Variants in BIRC6 observed in about 807,000 individuals in gnomAD.
The protein encoded by BIRC6 is dual E2 ubiquitin-conjugating enzyme/E3 ubiquitin-protein ligase BIRC6.
Under a neutral mutation model 503.3 loss-of-function variants are expected in BIRC6, and 98 were observed. That is an observed-to-expected ratio of 0.19 (90% CI 0.17 to 0.23). BIRC6 has a LOEUF of 0.23. Among genes scored for constraint, BIRC6 ranks in the 10% least tolerant of loss-of-function variants. The pLI, the probability that BIRC6 is intolerant of heterozygous loss-of-function variation, is 1.00. For missense variants in BIRC6, 5,360 were observed against 5,806.0 expected (o/e 0.92, Z 2.50); for synonymous variants, 2,240 against 2,078.7 (o/e 1.08, Z -2.11).
intron 73 of BIRC6, among the ~76,000 whole-genome samples, chr2:32,615,912 C>A (rs1204872728): frequency 6.6e-6 from 1 of 152,066 alleles, no homozygotes. Flanking sequence ...GGATTACAGG[C>A]GTGAGGCATC....
intron 1 of BIRC6, among the ~76,000 whole-genome samples, chr2:32,367,806 G>C (rs2035185928): frequency 6.6e-6 from 1 of 152,118 alleles, no homozygotes; most frequent in African/African-American, 2.4e-5. Flanking sequence ...AGAAGAGTGA[G>C]ACTGTCTCCC....
rs66698122 is a variant in BIRC6 at position 32,618,227 on chromosome 2, TA to T, written c.*324del. On this transcript the variant is annotated 3_prime_UTR_variant, in exon 74 of 74. Transcript: ENST00000421745. ...TGTTTACTGAATGTTTATTTTATTT[TA>T]TTTTTTTTTTACTATAGAGTGAGGG... 61,573 of 159,154 alleles carry T rather than the reference TA, an allele frequency of 0.39. 11,493 individuals carry two copies. Among genetic ancestry groups the T allele is most frequent in the African/African-American group, 0.42 (17,056 of 40,998 alleles). 9.9% of individuals were successfully genotyped at this position (159,154 alleles called of 1,614,324 possible).
chr2:32,358,069 G>C (rs894183662), intron 1 of BIRC6, among the ~76,000 whole-genome samples: 1 of 138,758 alleles, frequency 7.2e-6, no homozygotes, highest in African/African-American at 2.6e-5. Flanking sequence ...CGTGGTGGGG[G>C]TGGGGAGGGA....
intron 65 of BIRC6, among the ~76,000 whole-genome samples, chr2:32,551,363 A>T (rs1019528828): frequency 6.6e-6 from 1 of 152,080 alleles, no homozygotes; most frequent in Admixed American, 6.5e-5. Context: ...GCTTACTGCA[A>T]CCTCCACCTC....
In BIRC6 at chr2:32,485,664, T is replaced by C; in HGVS notation, c.7718T>C (p.Val2573Ala). 6.2e-7 allele frequency: 1 copy of C among 1,613,218 alleles called. No homozygotes were observed. The highest frequency in any genetic ancestry group is 8.5e-7 in the Non-Finnish European group (1 of 1,179,364). ...GTAGCCCTGGATGCTCGCCTAGAAGTTGGACTTGAACAGCAAGCAGAACTG... is the reference window on the plus strand; with the variant it reads ...GTAGCCCTGGATGCTCGCCTAGAAGCTGGACTTGAACAGCAAGCAGAACTG... Reference protein sequence around the residue: ...VSQALDARLEVGLEQQAELML... With the variant: ...VSQALDARLEAGLEQQAELML... Residue 2573 changes from valine to alanine, a missense_variant, in exon 40 of 74, where the codon GTT becomes GCT. Val to Ala is a moderately conservative substitution (Grantham distance 64, BLOSUM62 0). Coordinates refer to ENST00000421745, the MANE Select transcript of BIRC6 (RefSeq NM_016252.4).
chr2:32,465,127 G>A lies in BIRC6; in HGVS notation c.5319G>A (p.Pro1773=), dbSNP rs529901368. ...ISHASHFLQP[P]PHQSIIIERM... is the part of the protein sequence containing the mutation. The stretch of plus-strand genomic sequence containing the variant: ...ATGCTTCACATTTTCTTCAACCTCC[G>A]CCTCACCAGTCCATTATTATAGAGC... The change falls in exon 26 of 74, where the codon CCG becomes CCA. Residue 1773 remains proline (P), a synonymous_variant. Coordinates refer to ENST00000421745, the MANE Select transcript of BIRC6 (RefSeq NM_016252.4). 9.4e-6 allele frequency: 15 copies of A among 1,596,248 alleles called. No homozygotes were observed. The highest frequency in any genetic ancestry group is 2.3e-5 in the East Asian group (1 of 44,370).
At position 32,481,397 on chromosome 2, in the gene BIRC6, A is replaced by G. The variant is rs2050384720; in HGVS notation, c.7486A>G (p.Ile2496Val). The change falls in exon 38 of 74, where the codon ATT (isoleucine) becomes GTT (valine). Residue 2496 changes from isoleucine (I) to valine (V), a missense_variant. Physicochemically the swap from Ile to Val is conservative, Grantham distance 29 (BLOSUM62 3). Transcript: ENST00000421745. ...ELLQDLMEVD[I>V]DPLDIDLEKD... is the part of the protein sequence containing the mutation. ...ACTTCAGGATCTAATGGAAGTTGAC[A>G]TTGATCCTTTAGATATTGATTTGGA... 2 of 1,612,236 alleles carry G rather than the reference A, an allele frequency of 1.2e-6. No individual in the cohort carries two copies. Among genetic ancestry groups the G allele is most frequent in the Non-Finnish European group, 1.7e-6 (2 of 1,178,858 alleles).
At chr2:32,401,041 TCTTTAATGATGAATA>T (rs2040551769) in intron 6 of BIRC6, 107 bp from the exon 7 acceptor site, 1 of 775,396 alleles carries the variant, frequency 1.3e-6, no homozygotes, top group Non-Finnish European at 2.1e-6. Context: ...TTATATTAAG[TCTTTAATGATGAATA>T]CTTTAAGTTC....
rs1315560694 is a variant in BIRC6 at position 32,575,334 on chromosome 2, G to C, written c.13323G>C (p.Lys4441Asn). The C allele has an allele frequency of 6.8e-6, 11 of 1,613,880 alleles. No individual in the cohort carries two copies. The highest frequency in any genetic ancestry group is 9.3e-6 in the Non-Finnish European group (11 of 1,179,884). Residue 4441 changes from lysine to asparagine, a missense_variant, in exon 66 of 74, where the codon AAG becomes AAC. Lys to Asn is a moderately conservative substitution (Grantham distance 94). Around this residue, in one of 16 missense-constraint regions of BIRC6, gnomAD observed 477 missense variants for 574.4 expected, o/e 0.83. Coordinates refer to ENST00000421745, the MANE Select transcript of BIRC6 (RefSeq NM_016252.4). ...TSVGTLLAKM[K>N]TCVDTYTNRL... is the part of the protein sequence containing the mutation. Reference sequence around the variant, plus strand: ...TTGGTACATTGTTAGCCAAAATGAAGACCTGTGTTGATACCTATACCAACC... The same window carrying C: ...TTGGTACATTGTTAGCCAAAATGAACACCTGTGTTGATACCTATACCAACC...
At chr2:32,602,269 C>T (rs1041539414) in intron 70 of BIRC6, among the ~76,000 whole-genome samples, 2 of 152,150 alleles carry the variant, frequency 1.3e-5, no homozygotes. Flanking sequence ...AGGATGAGAT[C>T]CTTTCTTTCA....
At chr2:32,548,121 A>G (rs1572941619) in intron 64 of BIRC6, 107 bp downstream of exon 64, 2 of 986,456 alleles carry the variant, frequency 2.0e-6, no homozygotes, top group East Asian at 2.8e-5. Context: ...GTTTATGCCC[A>G]CTTGTGGTCC....
intron 43 of BIRC6, among the ~76,000 whole-genome samples, chr2:32,490,612 T>C (rs547374243): frequency 3.9e-5 from 6 of 152,336 alleles, no homozygotes; most frequent in Admixed American, 6.5e-5. Context: ...GCTTGTTTAC[T>C]TTGATAATAT....
intron 3 of BIRC6, 35 bp from the exon 4 acceptor site, chr2:32,388,715 C>T (rs2038832540): frequency 6.9e-7 from 1 of 1,443,436 alleles, no homozygotes. Flanking sequence ...CTGTTGAGTA[C>T]ATTTTCCTTT....
At chr2:32,386,488 G>A (rs2038492334) in intron 3 of BIRC6, among the ~76,000 whole-genome samples, 1 of 150,382 alleles carries the variant, frequency 6.6e-6, no homozygotes, top group Non-Finnish European at 1.5e-5. Context: ...CTGTCACTCA[G>A]GCTGGAGTAC....
intron 10 of BIRC6, among the ~76,000 whole-genome samples, chr2:32,419,269 A>G (rs2042697601): frequency 6.6e-6 from 1 of 152,222 alleles, no homozygotes; most frequent in Non-Finnish European, 1.5e-5. Context: ...GTATATTCAA[A>G]TAACATAAAA....
intron 1 of BIRC6, among the ~76,000 whole-genome samples, chr2:32,362,591 T>C (rs1487168293): frequency 6.6e-6 from 1 of 152,110 alleles, no homozygotes; most frequent in African/African-American, 2.4e-5. Context: ...GTGCTGGGAT[T>C]GCAGGCATGA....
At chr2:32,500,531 C>G (rs183970529) in intron 46 of BIRC6, among the ~76,000 whole-genome samples, 1 of 151,976 alleles carries the variant, frequency 6.6e-6, no homozygotes, top group Non-Finnish European at 1.5e-5. Flanking sequence ...GATACTCCTG[C>G]CTCAGCCTAC....
At chr2:32,515,813 T>C (rs2054969600) in intron 55 of BIRC6, 43 bp downstream of exon 55, 1 of 1,515,100 alleles carries the variant, frequency 6.6e-7, no homozygotes, top group Non-Finnish European at 8.8e-7. Context: ...TTTTATTACA[T>C]AAGAAAGGGC....
At chr2:32,457,453 T>C (rs1000108017) in intron 23 of BIRC6, among the ~76,000 whole-genome samples, 4 of 152,148 alleles carry the variant, frequency 2.6e-5, no homozygotes, top group Non-Finnish European at 4.4e-5. Flanking sequence ...TACTGGTCAA[T>C]TTTTCCATTT....
Sources: gnomAD v4.1 joint callset for allele counts (sites outside exome capture counted in the v4.1 genomes callset) on GRCh38, gnomAD v4.1.1 for gene constraint, gnomAD v4.1.1 regional missense constraint, MANE v1.5 for transcripts, NCBI Gene and HGNC (gene_info 2026-07-23, HGNC 2026-07-21) for gene names.